The following CNBD1 variants were observed in gnomAD, a reference collection of about 807,000 sequenced individuals.
CNBD1 encodes the protein cyclic nucleotide binding domain containing 1.
Under a neutral mutation model 54.4 loss-of-function variants are expected in CNBD1, and 71 were observed. The observed-to-expected ratio is 1.30, with a 90% confidence interval of 1.08 to 1.59. The LOEUF (loss-of-function observed/expected upper bound fraction) is 1.59, where lower values mean the gene tolerates loss of function less well. Ranked by LOEUF, CNBD1 falls within the 40% of genes most tolerant of loss-of-function variation. CNBD1 has a pLI of 0.00. For missense variants in CNBD1, 659 were observed against 518.0 expected (o/e 1.27, Z -2.64); for synonymous variants, 182 against 170.7 (o/e 1.07, Z -0.51).
chr8:87,069,045 A>C (rs533122232), intron 4 of CNBD1, among the ~76,000 whole-genome samples: 8 of 152,088 alleles, frequency 5.3e-5, no homozygotes, highest in African/African-American at 1.7e-4. Flanking sequence ...AGGAAAAGGG[A>C]CAAGTCTTTG....
downstream of CNBD1, among the ~76,000 whole-genome samples, chr8:87,387,446 G>A (rs971123186): frequency 6.6e-6 from 1 of 151,942 alleles, no homozygotes; most frequent in African/African-American, 2.4e-5. Flanking sequence ...AAAAGGCAGG[G>A]GTTGCAACTC....
intron 8 of CNBD1, among the ~76,000 whole-genome samples, chr8:87,342,177 G>A (rs931544566): frequency 5.3e-5 from 8 of 151,018 alleles, no homozygotes; most frequent in Non-Finnish European, 8.8e-5. Context: ...AGAGGCTGAG[G>A]CAGGAGAATG....
chr8:86,973,081 A>C (rs557752349), intron 4 of CNBD1, among the ~76,000 whole-genome samples: 2 of 152,234 alleles, frequency 1.3e-5, no homozygotes, highest in East Asian at 3.9e-4. Flanking sequence ...AGCATATATA[A>C]CATTTCCAAA....
chr8:87,065,159 GC>G (rs1341930620), intron 4 of CNBD1, among the ~76,000 whole-genome samples: 3 of 151,860 alleles, frequency 2.0e-5, no homozygotes, highest in African/African-American at 7.2e-5. Context: ...CTTTGAAGAA[GC>G]TCTAATTTTG....
chr8:87,331,451 A>G (rs1771884018), intron 8 of CNBD1, among the ~76,000 whole-genome samples: 1 of 152,116 alleles, frequency 6.6e-6, no homozygotes, highest in Non-Finnish European at 1.5e-5. Flanking sequence ...TTTTCTTTAT[A>G]CAGTCCATCA....
At chr8:87,156,420 A>G (rs1812743806) in intron 4 of CNBD1, among the ~76,000 whole-genome samples, 1 of 149,978 alleles carries the variant, frequency 6.7e-6, no homozygotes, top group Non-Finnish European at 1.5e-5. Context: ...ACATTTTTTT[A>G]TTTTTAATAG....
At chr8:87,001,527 G>A (rs770549659) in intron 4 of CNBD1, among the ~76,000 whole-genome samples, 2 of 151,970 alleles carry the variant, frequency 1.3e-5, no homozygotes, top group East Asian at 1.9e-4. Flanking sequence ...GTCTTTTTAC[G>A]CTGTATTTGA....
intron 2 of CNBD1, among the ~76,000 whole-genome samples, chr8:87,411,662 T>C (rs1157796342): frequency 6.6e-6 from 1 of 150,536 alleles, no homozygotes; most frequent in Non-Finnish European, 1.5e-5. Flanking sequence ...TTTTAGATTT[T>C]TTTTTTTTAC....
At chr8:87,084,281 C>A (rs188047755) in intron 4 of CNBD1, among the ~76,000 whole-genome samples, 1 of 152,282 alleles carries the variant, frequency 6.6e-6, no homozygotes, top group Admixed American at 6.5e-5. Context: ...CAGAACTCTT[C>A]ATTTCTTTAT....
downstream of CNBD1, among the ~76,000 whole-genome samples, chr8:87,386,217 C>T (rs1474917428): frequency 6.6e-6 from 1 of 152,100 alleles, no homozygotes; most frequent in African/African-American, 2.4e-5. Flanking sequence ...TCTCCTCCTC[C>T]AAAGGAATGC....
chr8:87,194,139 T>C (rs894027627), intron 4 of CNBD1, among the ~76,000 whole-genome samples: 12 of 152,198 alleles, frequency 7.9e-5, no homozygotes, highest in African/African-American at 2.9e-4. Context: ...TAATGATTAA[T>C]GCGCTTGAAT....
chr8:86,941,321 T>G (rs564565164), intron 4 of CNBD1, among the ~76,000 whole-genome samples: 1 of 152,180 alleles, frequency 6.6e-6, no homozygotes, highest in Non-Finnish European at 1.5e-5. Flanking sequence ...TTAAAAATAT[T>G]CTTTAAGTGG....
At chr8:86,971,815 T>C (rs1808226322) in intron 4 of CNBD1, among the ~76,000 whole-genome samples, 1 of 152,186 alleles carries the variant, frequency 6.6e-6, no homozygotes, top group South Asian at 2.1e-4. Context: ...ACTGCCTCAA[T>C]GAACACATAT....
At chr8:87,259,214 T>A (rs1231888683) in intron 6 of CNBD1, among the ~76,000 whole-genome samples, 2 of 152,194 alleles carry the variant, frequency 1.3e-5, no homozygotes, top group Admixed American at 6.6e-5. Flanking sequence ...TAAACATCCC[T>A]CTTTTTAAAC....
intron 10 of CNBD1, 74 bp from the exon 11 acceptor site, chr8:87,382,546 A>C (rs1811100362): frequency 9.8e-6 from 12 of 1,227,678 alleles, no homozygotes; most frequent in Non-Finnish European, 1.3e-5. Flanking sequence ...TTAGGGTTCT[A>C]TTCTGTAGGA....
chr8:86,965,587 A>G (rs1007985507), intron 4 of CNBD1, among the ~76,000 whole-genome samples: 3 of 152,208 alleles, frequency 2.0e-5, no homozygotes, highest in Admixed American at 2.0e-4. Flanking sequence ...ACTCCAAAAA[A>G]AAAGGACAGA....
At chr8:87,186,027 G>A (rs1413258701) in intron 4 of CNBD1, among the ~76,000 whole-genome samples, 2 of 151,936 alleles carry the variant, frequency 1.3e-5, no homozygotes, top group Non-Finnish European at 2.9e-5. Flanking sequence ...TTTGCCTGAT[G>A]TTCAATATCT....
intron 4 of CNBD1, among the ~76,000 whole-genome samples, chr8:87,107,156 T>A (rs1381944772): frequency 6.6e-6 from 1 of 152,180 alleles, no homozygotes; most frequent in East Asian, 1.9e-4. Context: ...TACTTTTCAC[T>A]GATGTCTTAA....
At chr8:87,058,061 A>G (rs2130634424) in intron 4 of CNBD1, among the ~76,000 whole-genome samples, 1 of 152,222 alleles carries the variant, frequency 6.6e-6, no homozygotes, top group Middle Eastern at 3.4e-3. Flanking sequence ...GAGGAAATAC[A>G]CCCATTCCAA....
Sources: gnomAD v4.1 joint callset for allele counts (sites outside exome capture counted in the v4.1 genomes callset) on GRCh38, gnomAD v4.1.1 for gene constraint, MANE v1.5 for transcripts, NCBI Gene and HGNC (gene_info 2026-07-23, HGNC 2026-07-21) for gene names.